Variants in REPS2 observed in about 807,000 individuals in gnomAD.
REPS2 encodes RALBP1 associated Eps domain containing 2.
In REPS2, 23 loss-of-function variants were observed where a neutral mutation model predicts 53.6. The observed-to-expected ratio is 0.43, with a 90% CI of 0.31 to 0.61. The LOEUF (loss-of-function observed/expected upper bound fraction) is 0.61, where lower values mean the gene tolerates loss of function less well. Among genes scored for constraint, REPS2 ranks in the 20% least tolerant of loss-of-function variants. The pLI, the probability that REPS2 is intolerant of heterozygous loss-of-function variation, is 0.11. For synonymous variants in REPS2, 238 were observed against 218.6 expected (o/e 1.09, Z -0.78); for missense variants, 446 against 534.9 (o/e 0.83, Z 1.64).
chrX:17,052,426 C>T lies in REPS2; in HGVS notation c.952C>T (p.Pro318Ser). ...NFFTKSKLSI[P>S]ELSYIWELSD... ...CTTCACCAAATCAAAGCTTTCCATT[C>T]CAGAACTCTCCTATATATGGTAAGT... The change falls in exon 7 of 18, where the codon CCA (proline) becomes TCA (serine). Residue 318 changes from proline to serine, a missense_variant. Coordinates refer to ENST00000357277, the MANE Select transcript of REPS2 (RefSeq NM_004726.3). The T allele has an allele frequency of 8.3e-7, 1 of 1,200,476 alleles. No individual in the cohort carries two copies. The highest frequency in any genetic ancestry group is 3.0e-5 in the East Asian group (1 of 33,553).
chrX:17,185,757 G>C, the REPS2 span, among the ~76,000 whole-genome samples: 1 of 111,480 alleles, frequency 9.0e-6, no homozygotes, highest in Non-Finnish European at 1.9e-5. Context: ...AATCTGTCAC[G>C]TTCTGTAAGA....
chrX:17,099,832 A>G (rs1397574117), intron 13 of REPS2: 1 of 584,761 alleles, frequency 1.7e-6, no homozygotes, highest in Non-Finnish European at 3.1e-6. Flanking sequence ...CTTTCCTCAT[A>G]GAAGGATATG....
chrX:17,022,307 G>T, intron 3 of REPS2, 36 bp downstream of exon 3: 1 of 1,164,063 alleles, frequency 8.6e-7, no homozygotes, highest in South Asian at 2.0e-5. Flanking sequence ...ATTTGATTCT[G>T]ACCATGAAAC....
At chrX:17,182,616 A>T in the REPS2 span, among the ~76,000 whole-genome samples, 53 of 112,234 alleles carry the variant, frequency 4.7e-4, no homozygotes, top group South Asian at 5.2e-3. Context: ...TCAGAAAATT[A>T]GGAAGGGAGT....
chrX:16,964,665 C>A (rs2060712401), intron 1 of REPS2, among the ~76,000 whole-genome samples: 1 of 105,170 alleles, frequency 9.5e-6, no homozygotes, highest in Non-Finnish European at 2.0e-5. Flanking sequence ...GGGGCTGACC[C>A]CCCCCACCTC....
At chrX:16,953,345 G>A (rs911979263) in intron 1 of REPS2, among the ~76,000 whole-genome samples, 1 of 111,362 alleles carries the variant, frequency 9.0e-6, no homozygotes, top group African/African-American at 3.3e-5. Context: ...AAACTAGACA[G>A]TTACCCAAGA....
intron 1 of REPS2, among the ~76,000 whole-genome samples, chrX:16,994,408 CGT>C (rs768193453): frequency 1.8e-5 from 2 of 110,008 alleles, no homozygotes; most frequent in African/African-American, 6.7e-5. Context: ...TATACACACA[CGT>C]ACATATATAT....
At chrX:17,017,385 G>T (rs1348522661) in intron 2 of REPS2, among the ~76,000 whole-genome samples, 1 of 111,831 alleles carries the variant, frequency 8.9e-6, no homozygotes, top group Non-Finnish European at 1.9e-5. Flanking sequence ...CTTGTCACAA[G>T]AACAAATACT....
chrX:17,009,308 G>A (rs1376456367), intron 2 of REPS2, among the ~76,000 whole-genome samples: 2 of 111,563 alleles, frequency 1.8e-5, no homozygotes, highest in Admixed American at 9.4e-5. Context: ...ACAGGCATGC[G>A]CCACCACTCC....
chrX:17,174,608 T>G, the REPS2 span, among the ~76,000 whole-genome samples: 1 of 112,318 alleles, frequency 8.9e-6, no homozygotes, highest in Admixed American at 9.4e-5. Flanking sequence ...GGAAATGGCC[T>G]GCTAGGGTCA....
At chrX:16,971,662 G>A (rs537582013) in intron 1 of REPS2, among the ~76,000 whole-genome samples, 1 of 112,215 alleles carries the variant, frequency 8.9e-6, no homozygotes, top group Middle Eastern at 4.7e-3. Context: ...GCTCCTATAT[G>A]TCAGTCTTTG....
chrX:17,117,787 C>T (rs747651164), intron 14 of REPS2, among the ~76,000 whole-genome samples: 1 of 109,717 alleles, frequency 9.1e-6, no homozygotes, highest in East Asian at 2.9e-4. Context: ...TGGGTATATA[C>T]CCAGTAATGG....
intron 1 of REPS2, among the ~76,000 whole-genome samples, chrX:16,989,656 C>G (rs1416260160): frequency 8.9e-6 from 1 of 112,278 alleles, no homozygotes; most frequent in Non-Finnish European, 1.9e-5. Flanking sequence ...AGAGCATATA[C>G]AGATGACAGA....
At chrX:17,092,959 C>A (rs2062638249) in intron 13 of REPS2, among the ~76,000 whole-genome samples, 1 of 102,300 alleles carries the variant, frequency 9.8e-6, no homozygotes, top group African/African-American at 3.6e-5. Context: ...AAATTTAATT[C>A]CAATTTTCAA....
At chrX:17,040,618 G>T (rs932107095) in intron 5 of REPS2, among the ~76,000 whole-genome samples, 2 of 112,073 alleles carry the variant, frequency 1.8e-5, no homozygotes, top group African/African-American at 6.5e-5. Context: ...AAATTGCTAA[G>T]CTCTGTCTCC....
At chrX:17,112,546 T>G (rs1357608196) in intron 14 of REPS2, among the ~76,000 whole-genome samples, 1 of 111,818 alleles carries the variant, frequency 8.9e-6, no homozygotes, top group Non-Finnish European at 1.9e-5. Context: ...GTCAATGGAA[T>G]GAAACTAGAA....
chrX:17,031,318 C>T (rs942089181), intron 5 of REPS2, among the ~76,000 whole-genome samples: 2 of 112,022 alleles, frequency 1.8e-5, no homozygotes, highest in Middle Eastern at 4.6e-3. Context: ...AGCAGTGTGA[C>T]TGGGCTCACT....
chrX:17,016,599 G>C (rs958248583), intron 2 of REPS2, among the ~76,000 whole-genome samples: 29 of 110,120 alleles, frequency 2.6e-4, no homozygotes, highest in African/African-American at 9.6e-4. Context: ...AGTAGAGATG[G>C]GGTTTCACCA....
chrX:17,087,623 G>T (rs1345430239), intron 13 of REPS2, among the ~76,000 whole-genome samples: 1 of 111,970 alleles, frequency 8.9e-6, no homozygotes, highest in Non-Finnish European at 1.9e-5. Flanking sequence ...TGTTCTGACT[G>T]TATGTCACAT....
Sources: gnomAD v4.1 joint callset for allele counts (sites outside exome capture counted in the v4.1 genomes callset) on GRCh38, gnomAD v4.1.1 for gene constraint, MANE v1.5 for transcripts, NCBI Gene and HGNC (gene_info 2026-07-23, HGNC 2026-07-21) for gene names.